SPTB: variants seen among roughly 807,000 people sequenced by gnomAD.
The protein encoded by SPTB is spectrin beta, erythrocytic.
A neutral mutation model predicts 256.2 loss-of-function variants in SPTB; 45 were observed. The observed-to-expected ratio is 0.18, with a 90% confidence interval of 0.14 to 0.23. The LOEUF (loss-of-function observed/expected upper bound fraction) is 0.23. Among genes scored for constraint, SPTB ranks in the 10% least tolerant of loss-of-function variants. SPTB has a pLI of 1.00. For synonymous variants in SPTB, 1,231 were observed against 1,243.1 expected, an observed-to-expected ratio of 0.99 and a Z score of 0.21; for missense variants, 2,715 against 3,040.4, an observed-to-expected ratio of 0.89 and a Z score of 2.52.
rs372157509 is a variant in SPTB, at chr14:64,765,932, ATG to A, written c.6345+792_6345+793del. Among the ~76,000 whole-genome samples the A allele has an allele frequency of 8.3e-3, 1,033 of 124,328 alleles. 15 individuals are homozygous for A. The highest frequency in any genetic ancestry group is 0.03 in the African/African-American group (990 of 32,854). 81.6% of individuals were successfully genotyped at this position (124,328 alleles called of 152,430 possible). On this transcript the variant is annotated intron_variant, in intron 32 of 35. Transcript: ENST00000644917. ...GGGGGTGTGGTGTGTATGAGTGTGT[ATG>A]TGTGTGGGTGTGAGTGTGTGGATGT...
chr14:64,816,578 G>A lies in SPTB; in HGVS notation c.148+6369C>T, dbSNP rs2083194681. 6.6e-6 allele frequency among the ~76,000 whole-genome samples: 1 copy of A among 152,170 alleles called. No homozygotes were observed. Among genetic ancestry groups the A allele is most frequent in the Non-Finnish European group, 1.5e-5 (1 of 68,022 alleles). Reference sequence around the variant, plus strand: ...TAATTTGCTATGCACGTGTGTCTATGCACATAGACACGTGTGGGATTATTT... The same window carrying A: ...TAATTTGCTATGCACGTGTGTCTATACACATAGACACGTGTGGGATTATTT... On this transcript the variant is annotated intron_variant, in intron 2 of 35. Transcript: ENST00000644917. This position sits in a 1 kb window ranked among gnomAD's most constrained non-coding sequence, Gnocchi z 4.2.
Position 64,861,513 on chromosome 14 carries a change from AC to A in SPTB, c.-52+18278del, listed in dbSNP as rs751023170. On this transcript the variant is annotated intron_variant, in intron 1 of 35. Transcript: ENST00000644917. Reference sequence around the variant, plus strand: ...CGTGGCTGCACTGACCGGCTCCCCCACCCACTTGATGCTTTCCAGCCTCCCA... The same window carrying A: ...CGTGGCTGCACTGACCGGCTCCCCCACCACTTGATGCTTTCCAGCCTCCCA... Among the ~76,000 whole-genome samples, 153 of 152,114 alleles carry A rather than the reference AC, an allele frequency of 1.0e-3. 2 individuals carry two copies. The highest frequency in any genetic ancestry group is 1.5e-3 in the Admixed American group (23 of 15,272).
chr14:64,851,667 T>C (rs913860470), intron 1 of SPTB, among the ~76,000 whole-genome samples: 1 of 152,158 alleles, frequency 6.6e-6, no homozygotes, highest in East Asian at 1.9e-4. Context: ...ATATACACCA[T>C]GGAATACTAT....
chr14:64,835,970 G>A (rs897077932), intron 1 of SPTB, among the ~76,000 whole-genome samples: 6 of 152,168 alleles, frequency 3.9e-5, no homozygotes, highest in African/African-American at 9.7e-5. Flanking sequence ...GGAACATCCC[G>A]TGCTACTGTG....
intron 32 of SPTB, among the ~76,000 whole-genome samples, chr14:64,765,052 G>GCA (rs1286931508): frequency 6.8e-6 from 1 of 146,624 alleles, no homozygotes; most frequent in Non-Finnish European, 1.5e-5. Context: ...GCGCGCGCGC[G>GCA]CGCGGGTGGT....
chr14:64,820,510 A>G (rs1455569891), intron 2 of SPTB, among the ~76,000 whole-genome samples: 1 of 152,250 alleles, frequency 6.6e-6, no homozygotes, highest in Non-Finnish European at 1.5e-5. Context: ...TGTTGGCCAG[A>G]TGTTCTGAAT....
chr14:64,815,270 TCTCCCATGAAGCGG>T (rs1260171976), intron 2 of SPTB, among the ~76,000 whole-genome samples: 3 of 65,130 alleles, frequency 4.6e-5, no homozygotes, highest in Admixed American at 2.6e-4. Flanking sequence ...GGAAGGGGCA[TCTCCCATGAAGCGG>T]GCATCTCCCA....
intron 1 of SPTB, among the ~76,000 whole-genome samples, chr14:64,878,328 A>C (rs1312449819): frequency 6.6e-6 from 1 of 152,186 alleles, no homozygotes; most frequent in East Asian, 1.9e-4. Flanking sequence ...GCAAGCCTCC[A>C]GGCAAGCACA....
At position 64,775,137 on chromosome 14, in the gene SPTB, A is replaced by G. The variant is rs1189669538; in HGVS notation, c.4830T>C (p.Asp1610=). Residue 1610 remains aspartate, a synonymous_variant, in exon 23 of 36, where the codon GAT becomes GAC. Coordinates refer to ENST00000644917, the MANE Select transcript of SPTB (RefSeq NM_001355436.2). This position sits in a 1 kb window ranked among gnomAD's most constrained non-coding sequence, Gnocchi z 5.0. ...IGEQELYVIS[D]EIPKDEEGAI... ...TGCCCGAACAGACCTTGGGGATCTC[A>G]TCGGAGATGACGTAGAGCTCCTGCT... 6.2e-7 allele frequency: 1 copy of G among 1,613,932 alleles called. No homozygotes were observed. The highest frequency in any genetic ancestry group is 1.3e-5 in the African/African-American group (1 of 75,046).
chr14:64,787,292 A>T, intron 15 of SPTB, 132 bp from the exon 16 acceptor site: 2 of 1,229,854 alleles, frequency 1.6e-6, no homozygotes, highest in South Asian at 2.8e-5. Context: ...TAAAAAGAAA[A>T]AAAAAAATCT....
In SPTB at chr14:64,801,834, G is replaced by A. The variant is rs1404128008; in HGVS notation, c.567C>T (p.Gly189=). 2.5e-6 allele frequency: 4 copies of A among 1,613,964 alleles called. No homozygotes were observed. In the African/African-American group the frequency reaches 5.3e-5, roughly 22 times the overall value. ...LLLWCQMKTA[G]YPHVNVTNFT... ...AGTTGGTGACATTAACATGAGGGTA[G>A]CTGCATCCAAGAGAAACAGTAAGAG... Residue 189 remains glycine (G), a splice_region_variant and synonymous_variant, in exon 6 of 36, where the codon GGC becomes GGT. Transcript: ENST00000644917.
At chr14:64,803,057 C>T (rs767133301) in intron 4 of SPTB, among the ~76,000 whole-genome samples, 11 of 152,086 alleles carry the variant, frequency 7.2e-5, no homozygotes, top group Non-Finnish European at 1.2e-4. Flanking sequence ...GTCTTTAGTC[C>T]GCGAGTTGTA....
rs1358331398 is a variant in SPTB, at chr14:64,826,288, C to T, written c.-51-3143G>A. On this transcript the variant is annotated intron_variant, in intron 1 of 35. Transcript: ENST00000644917. This position sits in a 1 kb window ranked among gnomAD's most constrained non-coding sequence, Gnocchi z 4.4. ...TATGCCTGTCCAAAACCAGATTTAA[C>T]CCATTCTCGGCGTCACCATGTCTCT... 6.6e-6 allele frequency among the ~76,000 whole-genome samples: 1 copy of T among 152,190 alleles called. No individual in the cohort carries two copies. The highest frequency in any genetic ancestry group is 1.5e-5 in the Non-Finnish European group (1 of 68,024).
chr14:64,769,552 G>C, intron 28 of SPTB, 38 bp downstream of exon 28: 1 of 1,612,028 alleles, frequency 6.2e-7, no homozygotes, highest in Non-Finnish European at 8.5e-7. Context: ...TGGGGACGGA[G>C]ACGGAGGAGC....
intron 1 of SPTB, among the ~76,000 whole-genome samples, chr14:64,831,127 A>G (rs1171443386): frequency 2.0e-5 from 3 of 150,614 alleles, no homozygotes; most frequent in Non-Finnish European, 4.4e-5. Flanking sequence ...CCATGCACCA[A>G]CTCCCCCTCC....
rs2083005441 is a variant in SPTB at position 64,807,453 on chromosome 14, T to G, written c.149-2363A>C. ...TTTTTACCACATGAATGATGCCCCC[T>G]GGACCCTCAAACGTGGGAGCCACAG... On this transcript the variant is annotated intron_variant, in intron 2 of 35. Coordinates refer to ENST00000644917, the MANE Select transcript of SPTB (RefSeq NM_001355436.2). The surrounding 1 kb of genome is among the most constrained non-coding windows in gnomAD (Gnocchi z 4.7). Among the ~76,000 whole-genome samples the G allele has an allele frequency of 6.6e-6, 1 of 152,186 alleles. No individual in the cohort carries two copies.
chr14:64,749,710 G>A lies in SPTB; in HGVS notation c.6777-14C>T. ...CCATTACTCAGCCTAGGAGGACAAAGGGTTTCCTGTCATGGAGACACCTCT... is the reference window on the plus strand; with the variant it reads ...CCATTACTCAGCCTAGGAGGACAAAAGGTTTCCTGTCATGGAGACACCTCT... On this transcript the variant is annotated splice_polypyrimidine_tract_variant and intron_variant, in intron 34 of 35. Coordinates refer to ENST00000644917, the MANE Select transcript of SPTB (RefSeq NM_001355436.2). The surrounding 1 kb of genome is among the most constrained non-coding windows in gnomAD (Gnocchi z 4.7). 6.2e-7 allele frequency: 1 copy of A among 1,613,420 alleles called. No homozygotes were observed. Among genetic ancestry groups the A allele is most frequent in the Non-Finnish European group, 8.5e-7 (1 of 1,179,794 alleles).
In SPTB at chr14:64,749,386, G is replaced by T; in HGVS notation, c.6907C>A (p.Pro2303Thr). The change falls in exon 36 of 36, where the codon CCT becomes ACT. Residue 2303 changes from proline to threonine, a missense_variant. By Grantham distance (38) the Pro-to-Thr change is conservative. Transcript: ENST00000644917. The surrounding 1 kb of genome is among the most constrained non-coding windows in gnomAD (Gnocchi z 4.7). The part of the protein sequence containing the change: ...IRVKAQSLPL[P>T]SLSGPDASLG... ...CTGGCGTCGGGGCCGGAGAGGGAAG[G>T]CAGGGGCAGGCTCTGCGCCTTGACG... The T allele has an allele frequency of 2.5e-6, 4 of 1,609,880 alleles. No individual in the cohort carries two copies. The highest frequency in any genetic ancestry group is 3.4e-6 in the Non-Finnish European group (4 of 1,179,806).
At chr14:64,839,025 G>A (rs2083566052) in intron 1 of SPTB, among the ~76,000 whole-genome samples, 1 of 151,824 alleles carries the variant, frequency 6.6e-6, no homozygotes, top group African/African-American at 2.4e-5. Context: ...CCTAGCTACT[G>A]GGGAGGCTGA....
Sources: gnomAD v4.1 joint callset for allele counts (sites outside exome capture counted in the v4.1 genomes callset) on GRCh38, gnomAD v4.1.1 for gene constraint, Gnocchi (gnomAD v3.1) non-coding constraint, MANE v1.5 for transcripts, NCBI Gene and HGNC (gene_info 2026-07-23, HGNC 2026-07-21) for gene names.